The following SLITRK4 variants were observed in gnomAD, a reference collection of about 807,000 sequenced individuals.
The protein encoded by SLITRK4 is SLIT and NTRK-like protein 4.
A neutral mutation model predicts 34.7 loss-of-function variants in SLITRK4; 7 were observed. The ratio of observed to expected loss-of-function variants is 0.20; its 90% confidence interval spans 0.11 to 0.38. SLITRK4 has a LOEUF of 0.38. Among genes scored for constraint, SLITRK4 ranks in the 10% least tolerant of loss-of-function variants. The pLI is 1.00. For synonymous variants in SLITRK4, 237 were observed against 246.2 expected, an observed-to-expected ratio of 0.96 and a Z score of 0.35; for missense variants, 474 against 607.0, an observed-to-expected ratio of 0.78 and a Z score of 2.30.
rs1382780100 is a variant in SLITRK4 at position 143,626,764 on chromosome X, A to T, written c.*1831T>A. 4 of 107,672 alleles carry T rather than the reference A, an allele frequency of 3.7e-5. No individual in the cohort carries two copies. The highest frequency in any genetic ancestry group is 1.3e-4 in the African/African-American group (4 of 29,655). The allele number at this position is 107,672 out of a possible 1,213,427, so 8.9% of individuals were successfully genotyped here. On this transcript the variant is annotated 3_prime_UTR_variant, in exon 2 of 2. Transcript: ENST00000356928. ...GATTCATAAGGTAATTATAAGAGAT[A>T]GGACACACACTCTCACACATGCACA...
At chrX:143,631,813 A>T (rs782640496) in intron 1 of SLITRK4, among the ~76,000 whole-genome samples, 3 of 111,256 alleles carry the variant, frequency 2.7e-5, no homozygotes, top group Non-Finnish European at 5.6e-5. Context: ...AAAGACACAG[A>T]CGACGCTGTG....
chrX:143,630,954 T>C lies in SLITRK4; in HGVS notation c.155A>G (p.Asn52Ser). 1.7e-6 allele frequency: 2 copies of C among 1,210,520 alleles called. No homozygotes were observed. Among genetic ancestry groups the C allele is most frequent in the Middle Eastern group, 2.3e-4 (1 of 4,349 alleles). ...ATTAGACCAAGGTGGTTTCAGCTGA[T>C]TTGGTCTGTAGACTGAAACCTTCTC... The part of the protein sequence containing the change: ...NCEKVSVYRP[N>S]QLKPPWSNFY... The change falls in exon 2 of 2, where the codon AAT (asparagine) becomes AGT (serine). Residue 52 changes from asparagine (N) to serine (S), a missense_variant. Transcript: ENST00000356928.
intron 1 of SLITRK4, chrX:143,635,330 T>C (rs1203489742): frequency 3.8e-5 from 4 of 104,769 alleles, no homozygotes; most frequent in African/African-American, 1.4e-4. Context: ...CCCCTCTTTT[T>C]GCCTAAAACA....
At position 143,630,159 on chromosome X, in the gene SLITRK4, G is replaced by A; in HGVS notation, c.950C>T (p.Ala317Val). The A allele has an allele frequency of 8.3e-7, 1 of 1,211,655 alleles. No homozygotes were observed. Among genetic ancestry groups the A allele is most frequent in the Middle Eastern group, 2.3e-4 (1 of 4,356 alleles). ...ATTGCGGTTGGAGAGGGCTTTGCCTGCAACGATTCCAGAGATCTTGGAAGG... is the reference window on the plus strand; with the variant it reads ...ATTGCGGTTGGAGAGGGCTTTGCCTACAACGATTCCAGAGATCTTGGAAGG... ...TNPSKISGIV[A>V]GKALSNRNLS... is the part of the protein sequence containing the mutation. The change falls in exon 2 of 2, where the codon GCA becomes GTA. Residue 317 changes from alanine (A) to valine (V), a missense_variant. By Grantham distance (64) the Ala-to-Val change is moderately conservative (BLOSUM62 0). This residue lies in a region of SLITRK4 where 345 missense variants were observed against 406.5 expected (regional missense o/e 0.85). Transcript: ENST00000356928.
rs139535647 is a variant in SLITRK4, at chrX:143,629,519, G to T, written c.1590C>A (p.Gly530=). ...LQSLTQIDLE[G]NPWDCTCDLV... ...AGTCACAAGTACAGTCCCATGGGTT[G>T]CCCTCCAAGTCAATCTGTGTAAGAG... The change falls in exon 2 of 2, where the codon GGC becomes GGA. Residue 530 remains glycine, a synonymous_variant. Transcript: ENST00000356928. The T allele has an allele frequency of 1.3e-3, 1,602 of 1,209,477 alleles. 3 individuals are homozygous for T. Among genetic ancestry groups the T allele is most frequent in the Admixed American group, 3.6e-3 (166 of 45,692 alleles).
chrX:143,631,062 G>T lies in SLITRK4; in HGVS notation c.47C>A (p.Thr16Lys). The T allele has an allele frequency of 8.4e-7, 1 of 1,191,771 alleles. No individual in the cohort carries two copies. Among genetic ancestry groups the T allele is most frequent in the Non-Finnish European group, 1.1e-6 (1 of 888,055 alleles). ...FLILSALISS[T>K]NADSDISVEI... ...CACCGATATGTCAGAATCTGCATTTGTCGAAGAAATCAGGGCTGACAAAAT... is the reference window on the plus strand; with the variant it reads ...CACCGATATGTCAGAATCTGCATTTTTCGAAGAAATCAGGGCTGACAAAAT... Residue 16 changes from threonine (T) to lysine (K), a missense_variant, in exon 2 of 2, where the codon ACA becomes AAA. Physicochemically the swap from Thr to Lys is moderately conservative, Grantham distance 78. This residue lies in a region of SLITRK4 where 84 missense variants were observed against 101.3 expected (regional missense o/e 0.83). Coordinates refer to ENST00000356928, the MANE Select transcript of SLITRK4 (RefSeq NM_001184749.3).
In SLITRK4 at chrX:143,625,749, C is replaced by T. The variant is rs1000555977; in HGVS notation, c.*2846G>A. ...CCTAACTACATTATCATAAAATGTA[C>T]AACTAGAACTAATGAGAGACAGGTG... is the stretch of plus-strand genomic sequence containing the variant. On this transcript the variant is annotated 3_prime_UTR_variant, in exon 2 of 2. Transcript: ENST00000356928. 7.1e-4 allele frequency: 79 copies of T among 111,518 alleles called. No individual in the cohort carries two copies. Among genetic ancestry groups the T allele is most frequent in the African/African-American group, 1.4e-3 (43 of 30,850 alleles). 9.2% of individuals were successfully genotyped at this position (111,518 alleles called of 1,213,427 possible).
Position 143,631,129 on chromosome X carries a change from A to G in SLITRK4, c.-21T>C. 1 of 1,064,907 alleles carries G rather than the reference A, an allele frequency of 9.4e-7. No individual in the cohort carries two copies. The highest frequency in any genetic ancestry group is 1.3e-6 in the Non-Finnish European group (1 of 794,406). The allele number at this position is 1,064,907 out of a possible 1,213,427, so 87.8% of individuals were successfully genotyped here. A position where few individuals can be genotyped will look rare whatever the true frequency, so the allele number is the denominator to read the frequency against. On this transcript the variant is annotated 5_prime_UTR_variant, in exon 2 of 2. Coordinates refer to ENST00000356928, the MANE Select transcript of SLITRK4 (RefSeq NM_001184749.3). Reference sequence around the variant, plus strand: ...AACATCTTCTTGCAATCAGCAAACAACTGTATGCTTCTGAATAAAGAGAAA... The same window carrying G: ...AACATCTTCTTGCAATCAGCAAACAGCTGTATGCTTCTGAATAAAGAGAAA...
intron 1 of SLITRK4, among the ~76,000 whole-genome samples, chrX:143,632,768 T>A (rs1931082367): frequency 8.9e-6 from 1 of 111,944 alleles, no homozygotes; most frequent in African/African-American, 3.3e-5. Flanking sequence ...TTTCCCCTAT[T>A]CACCATGAGA....
Position 143,628,741 on chromosome X carries a change from T to A in SLITRK4, c.2368A>T (p.Ser790Cys), listed in dbSNP as rs782057773. The stretch of plus-strand genomic sequence containing the variant: ...TTGCCACCTATCAGTGACTTCTTAC[T>A]TTTTTTGTCTGGTTGTTTTTCTGGA... ...RYPEKQPDKK[S>C]KKSLIGGNHS... Residue 790 changes from serine (S) to cysteine (C), a missense_variant, in exon 2 of 2, where the codon AGT (serine) becomes TGT (cysteine). Physicochemically the swap from Ser to Cys is moderately radical, Grantham distance 112 (BLOSUM62 -1). Coordinates refer to ENST00000356928, the MANE Select transcript of SLITRK4 (RefSeq NM_001184749.3). 4 of 1,209,411 alleles carry A rather than the reference T, an allele frequency of 3.3e-6. No homozygotes were observed. The African/African-American group carries it at 7.0e-5, about 21-fold the overall frequency.
Position 143,629,645 on chromosome X carries a change from C to T in SLITRK4, c.1464G>A (p.Leu488=), listed in dbSNP as rs782543891. 1 of 1,209,698 alleles carries T rather than the reference C, an allele frequency of 8.3e-7. No individual in the cohort carries two copies. The highest frequency in any genetic ancestry group is 1.8e-5 in the African/African-American group (1 of 57,018). Residue 488 remains leucine, a synonymous_variant, in exon 2 of 2, where the codon CTG becomes CTA. Coordinates refer to ENST00000356928, the MANE Select transcript of SLITRK4 (RefSeq NM_001184749.3). ...LYLNNNLLKS[L]PVYIFSGAPL... is the part of the protein sequence containing the mutation. The stretch of plus-strand genomic sequence containing the variant: ...GTGCTCCGGAAAAGATGTAAACAGG[C>T]AGGCTCTTTAGGAGATTATTGTTTA...
intron 1 of SLITRK4, chrX:143,634,444 C>CA (rs1195093108): frequency 9.1e-6 from 1 of 109,883 alleles, no homozygotes; most frequent in Non-Finnish European, 1.9e-5. Flanking sequence ...GAGTGGGGTG[C>CA]AAAAATAAAG....
In SLITRK4 at chrX:143,623,136, A is replaced by G. The variant is rs1556424922; in HGVS notation, c.*5459T>C. On this transcript the variant is annotated 3_prime_UTR_variant, in exon 2 of 2. Transcript: ENST00000356928. ...TCTATGGTTATTCATTATATTATTA[A>G]TATTATTTCTCTGAAGGCCTCATTC... 1 of 111,274 alleles carries G rather than the reference A, an allele frequency of 9.0e-6. No homozygotes were observed. Among genetic ancestry groups the G allele is most frequent in the African/African-American group, 3.3e-5 (1 of 30,706 alleles). The allele number at this position is 111,274 out of a possible 1,213,427, so 9.2% of individuals were successfully genotyped here.
At position 143,628,091 on chromosome X, in the gene SLITRK4, CTTTTTTTTTTTTTT is replaced by C. The variant is rs782497461; in HGVS notation, c.*490_*503del. ...CTATCGAGTGTTCTCTCTTTGCATGCTTTTTTTTTTTTTTTTTTTTTTTTTTTTTTTTTTTTACT... is the reference window on the plus strand; with the variant it reads ...CTATCGAGTGTTCTCTCTTTGCATGCTTTTTTTTTTTTTTTTTTTTTTACT... On this transcript the variant is annotated 3_prime_UTR_variant, in exon 2 of 2. Transcript: ENST00000356928. The C allele has an allele frequency of 2.3e-4, 17 of 73,087 alleles. No homozygotes were observed. The highest frequency in any genetic ancestry group is 3.0e-4 in the Non-Finnish European group (14 of 45,906). 6.0% of individuals were successfully genotyped at this position (73,087 alleles called of 1,213,427 possible).
At position 143,631,116 on chromosome X, in the gene SLITRK4, C is replaced by A. The variant is rs782068492; in HGVS notation, c.-8G>T. On this transcript the variant is annotated 5_prime_UTR_variant, in exon 2 of 2. Transcript: ENST00000356928. ...AAACAGCCACAGAAACATCTTCTTGCAATCAGCAAACAACTGTATGCTTCT... is the reference window on the plus strand; with the variant it reads ...AAACAGCCACAGAAACATCTTCTTGAAATCAGCAAACAACTGTATGCTTCT... 7 of 1,134,404 alleles carry A rather than the reference C, an allele frequency of 6.2e-6. No individual in the cohort carries two copies. The highest frequency in any genetic ancestry group is 8.2e-6 in the Non-Finnish European group (7 of 851,895). 93.5% of individuals were successfully genotyped at this position (1,134,404 alleles called of 1,213,427 possible). A position where few individuals can be genotyped will look rare whatever the true frequency, so the allele number is the denominator to read the frequency against.
At position 143,629,168 on chromosome X, in the gene SLITRK4, C is replaced by T; in HGVS notation, c.1941G>A (p.Lys647=). ...CLLVFVLRRN[K]KPTVKHEGLG... is the part of the protein sequence containing the mutation. ...GGCCTTCGTGCTTCACTGTGGGTTT[C>T]TTGTTGCGTCGCAGGACAAAAACAA... Residue 647 remains lysine (K), a synonymous_variant, in exon 2 of 2, where the codon AAG becomes AAA. Transcript: ENST00000356928. 1 of 1,211,527 alleles carries T rather than the reference C, an allele frequency of 8.3e-7. No individual in the cohort carries two copies. The highest frequency in any genetic ancestry group is 1.8e-5 in the South Asian group (1 of 56,899).
At position 143,625,153 on chromosome X, in the gene SLITRK4, T is replaced by C. The variant is rs1930744518; in HGVS notation, c.*3442A>G. ...GTTACTCATAAGGTCATGCCCTGTA[T>C]AATTTATGCATCCTTATGGCTTAAA... On this transcript the variant is annotated 3_prime_UTR_variant, in exon 2 of 2. Coordinates refer to ENST00000356928, the MANE Select transcript of SLITRK4 (RefSeq NM_001184749.3). 9.0e-6 allele frequency: 1 copy of C among 111,180 alleles called. No individual in the cohort carries two copies. The highest frequency in any genetic ancestry group is 9.6e-5 in the Admixed American group (1 of 10,413). 9.2% of individuals were successfully genotyped at this position (111,180 alleles called of 1,213,427 possible). A position where few individuals can be genotyped will look rare whatever the true frequency, so the allele number is the denominator to read the frequency against.
chrX:143,632,341 C>T (rs1931067353), intron 1 of SLITRK4, among the ~76,000 whole-genome samples: 1 of 111,407 alleles, frequency 9.0e-6, no homozygotes, highest in South Asian at 3.8e-4. Context: ...AGCAAAATAA[C>T]TCATCGTTTT....
rs1930811050 is a variant in SLITRK4 at position 143,626,920 on chromosome X, A to G, written c.*1675T>C. On this transcript the variant is annotated 3_prime_UTR_variant, in exon 2 of 2. Coordinates refer to ENST00000356928, the MANE Select transcript of SLITRK4 (RefSeq NM_001184749.3). ...TATATGTATATCTATATATATCTAT[A>G]TATCTATATATATATATGCAGGCAG... The G allele has an allele frequency of 9.3e-6, 1 of 106,976 alleles. No individual in the cohort carries two copies. The highest frequency in any genetic ancestry group is 3.4e-5 in the African/African-American group (1 of 29,539). The allele number at this position is 106,976 out of a possible 1,213,427, so 8.8% of individuals were successfully genotyped here.
Sources: allele counts gnomAD v4.1 joint callset (sites outside exome capture counted in the v4.1 genomes callset), GRCh38; gene constraint gnomAD v4.1.1; regional missense constraint gnomAD v4.1.1; transcripts MANE v1.5; gene names NCBI Gene and HGNC (gene_info 2026-07-23, HGNC 2026-07-21).